PPP2R2D: variants seen among roughly 807,000 people sequenced by gnomAD.
PPP2R2D encodes protein phosphatase 2 regulatory subunit Bdelta, also known as serine/threonine-protein phosphatase 2A 55 kDa regulatory subunit B delta isoform.
Under a neutral mutation model 31.1 loss-of-function variants are expected in PPP2R2D, and 9 were observed. That is an observed-to-expected ratio of 0.29 (90% CI 0.17 to 0.51). The LOEUF (loss-of-function observed/expected upper bound fraction) is 0.51, where lower values mean the gene tolerates loss of function less well. Among genes scored for constraint, PPP2R2D ranks in the 20% least tolerant of loss-of-function variants. The probability of loss-of-function intolerance (pLI) is 0.98; values close to 1 mark genes in which losing one functional copy is unlikely to be tolerated. For synonymous variants in PPP2R2D, 179 were observed against 172.6 expected, an observed-to-expected ratio of 1.04 and a Z score of -0.29; for missense variants, 391 against 465.6, an observed-to-expected ratio of 0.84 and a Z score of 1.48.
In PPP2R2D at chr10:131,932,247, G is replaced by C. The variant is rs186915101; in HGVS notation, c.101-2211G>C. 2.8e-3 allele frequency among the ~76,000 whole-genome samples: 421 copies of C among 152,270 alleles called. 4 individuals carry two copies. Among genetic ancestry groups the C allele is most frequent in the African/African-American group, 9.6e-3 (400 of 41,532 alleles). ...GGAGTGTGACATGGCAGTGGGGCCT[G>C]TCTGGCTGAGAAGAGACCCGATGTC... On this transcript the variant is annotated intron_variant, in intron 2 of 8. Coordinates refer to ENST00000455566, the MANE Select transcript of PPP2R2D (RefSeq NM_018461.5).
At chr10:131,919,589 T>C (rs1257867996) in intron 2 of PPP2R2D, among the ~76,000 whole-genome samples, 12 of 86,424 alleles carry the variant, frequency 1.4e-4, no homozygotes, top group East Asian at 5.2e-4. Context: ...GGAATGACAG[T>C]GTTTGTAGGG....
intron 3 of PPP2R2D, among the ~76,000 whole-genome samples, chr10:131,938,858 C>T (rs943696899): frequency 6.6e-6 from 1 of 152,228 alleles, no homozygotes; most frequent in Non-Finnish European, 1.5e-5. Context: ...GCTGCCACAT[C>T]GCTGTGTCAC....
intron 2 of PPP2R2D, among the ~76,000 whole-genome samples, chr10:131,903,148 A>G (rs1334156757): frequency 6.6e-6 from 1 of 152,216 alleles, no homozygotes; most frequent in African/African-American, 2.4e-5. Flanking sequence ...GACTGTACAC[A>G]TATGAAAATA....
intron 8 of PPP2R2D, among the ~76,000 whole-genome samples, chr10:131,950,942 GAAATT>G (rs2036625486): frequency 6.6e-6 from 1 of 152,142 alleles, no homozygotes; most frequent in South Asian, 2.1e-4. Flanking sequence ...TCTTTATATT[GAAATT>G]AAAAGTGAAA....
the PPP2R2D span, chr10:131,970,969 G>A: frequency 6.2e-7 from 1 of 1,613,162 alleles, no homozygotes; most frequent in Non-Finnish European, 8.5e-7. This position sits in a 1 kb window ranked among gnomAD's most constrained non-coding sequence, Gnocchi z 4.1. Context: ...ATCTTCCTCA[G>A]ACTAAGATAA....
chr10:131,938,399 TA>T (rs1291197052), intron 3 of PPP2R2D, among the ~76,000 whole-genome samples: 3 of 152,192 alleles, frequency 2.0e-5, no homozygotes, highest in Non-Finnish European at 4.4e-5. Context: ...AAATTTCACT[TA>T]GGGCATACAG....
Position 131,945,264 on chromosome 10 carries a change from T to TGA in PPP2R2D, c.656-29_656-28dup. ...TAGACTAATTAACAACCAGCTGAGC[T>TGA]GAGCACTGTGCCTTAACCATGCACT... On this transcript the variant is annotated intron_variant, in intron 6 of 8. Coordinates refer to ENST00000455566, the MANE Select transcript of PPP2R2D (RefSeq NM_018461.5). This position sits in a 1 kb window ranked among gnomAD's most constrained non-coding sequence, Gnocchi z 4.8. 6.3e-7 allele frequency: 1 copy of TGA among 1,598,808 alleles called. No individual in the cohort carries two copies. The highest frequency in any genetic ancestry group is 8.5e-7 in the Non-Finnish European group (1 of 1,170,810).
At chr10:131,946,818 C>T (rs2036550756) in intron 7 of PPP2R2D, among the ~76,000 whole-genome samples, 1 of 152,132 alleles carries the variant, frequency 6.6e-6, no homozygotes. Flanking sequence ...CACCTGTGGT[C>T]CCAGCTACCC....
At chr10:131,914,948 CGAA>C (rs2035750990) in intron 2 of PPP2R2D, among the ~76,000 whole-genome samples, 1 of 152,208 alleles carries the variant, frequency 6.6e-6, no homozygotes, top group Non-Finnish European at 1.5e-5. Context: ...TCTAGCAACT[CGAA>C]GGAGGAAGGT....
intron 2 of PPP2R2D, among the ~76,000 whole-genome samples, chr10:131,910,454 G>A (rs2035664494): frequency 6.6e-6 from 1 of 152,148 alleles, no homozygotes; most frequent in African/African-American, 2.4e-5. Context: ...TTGAAAGCTT[G>A]GATTTTATCA....
At chr10:131,934,692 C>T in intron 3 of PPP2R2D, 137 bp downstream of exon 3, 1 of 659,608 alleles carries the variant, frequency 1.5e-6, no homozygotes, top group African/African-American at 1.8e-5. Flanking sequence ...CATACAGAAT[C>T]TCCTTTCAGA....
At chr10:131,911,298 A>G (rs1171985209) in intron 2 of PPP2R2D, among the ~76,000 whole-genome samples, 1 of 152,168 alleles carries the variant, frequency 6.6e-6, no homozygotes, top group African/African-American at 2.4e-5. Flanking sequence ...AGAGGTCCCC[A>G]CACCTCTGGT....
At chr10:131,917,827 G>T (rs1259411081) in intron 2 of PPP2R2D, among the ~76,000 whole-genome samples, 1 of 115,282 alleles carries the variant, frequency 8.7e-6, no homozygotes, top group Non-Finnish European at 1.8e-5. Flanking sequence ...GGGACCTCAG[G>T]CGGGTGGAAT....
At chr10:131,902,981 G>A (rs1368943305) in intron 2 of PPP2R2D, among the ~76,000 whole-genome samples, 1 of 151,924 alleles carries the variant, frequency 6.6e-6, no homozygotes, top group African/African-American at 2.4e-5. Context: ...TGAACTCCTG[G>A]GCTCAAGTGG....
At chr10:131,961,767 C>T (rs1554901496), downstream of PPP2R2D, among the ~76,000 whole-genome samples, 2 of 152,184 alleles carry the variant, frequency 1.3e-5, no homozygotes, top group African/African-American at 4.8e-5. Flanking sequence ...TGCGACTTGC[C>T]TCTGGCCAGG....
chr10:131,935,950 C>T (rs1307435384), intron 3 of PPP2R2D, among the ~76,000 whole-genome samples: 1 of 151,918 alleles, frequency 6.6e-6, no homozygotes, highest in Admixed American at 6.6e-5. Context: ...GTAATCCCAG[C>T]TACTTGGGAG....
At chr10:131,949,076 G>A (rs782452293) in intron 8 of PPP2R2D, among the ~76,000 whole-genome samples, 7 of 152,198 alleles carry the variant, frequency 4.6e-5, no homozygotes, top group Non-Finnish European at 1.0e-4. Flanking sequence ...AGGGACCGGC[G>A]TGTTTCCAGA....
At chr10:131,963,929 T>A (rs1002004395), downstream of PPP2R2D, among the ~76,000 whole-genome samples, 1 of 152,150 alleles carries the variant, frequency 6.6e-6, no homozygotes, top group Non-Finnish European at 1.5e-5. Context: ...CTCACGAGTG[T>A]CGGTTTTTCC....
chr10:131,961,949 C>A (rs545204627), downstream of PPP2R2D, among the ~76,000 whole-genome samples: 1 of 152,192 alleles, frequency 6.6e-6, no homozygotes, highest in Non-Finnish European at 1.5e-5. Context: ...AATAAACACA[C>A]CCCTGTGCCA....
Sources: allele counts gnomAD v4.1 joint callset (sites outside exome capture counted in the v4.1 genomes callset), GRCh38; gene constraint gnomAD v4.1.1; non-coding constraint Gnocchi (gnomAD v3.1); transcripts MANE v1.5; gene names NCBI Gene and HGNC (gene_info 2026-07-23, HGNC 2026-07-21).